Variants in LRP2 observed in about 807,000 individuals in gnomAD.
LRP2 encodes LDL receptor related protein 2.
A neutral mutation model predicts 531.0 loss-of-function variants in LRP2; 172 were observed. That is an observed-to-expected ratio of 0.32 (90% CI 0.29 to 0.37). LRP2 has a LOEUF of 0.37. Ranked by LOEUF, LRP2 falls within the 10% of genes least tolerant of loss-of-function variation. The pLI is 1.00. For missense variants in LRP2, 5,167 were observed against 5,868.3 expected (o/e 0.88, Z 3.90); for synonymous variants, 1,992 against 2,027.6 (o/e 0.98, Z 0.47).
chr2:169,162,012 T>C (rs1686605881), intron 63 of LRP2, among the ~76,000 whole-genome samples: 1 of 152,178 alleles, frequency 6.6e-6, no homozygotes, highest in Non-Finnish European at 1.5e-5. Flanking sequence ...TCATTTACAT[T>C]AGGTATTTCT....
rs377332381 is a variant in LRP2 at position 169,275,079 on chromosome 2, C to T, written c.1932G>A (p.Arg644=). ...NPQVYYQASL[R]PYGVTVYHSL... is the part of the protein sequence containing the mutation. ...AATGGTAAACAGTCACTCCATAGGG[C>T]CTCAGGGAAGCCTGGTAGTACACTT... is the stretch of plus-strand genomic sequence containing the variant. Residue 644 remains arginine (R), a synonymous_variant, in exon 14 of 79, where the codon AGG becomes AGA. Transcript: ENST00000649046. The T allele has an allele frequency of 3.2e-5, 52 of 1,613,656 alleles. No homozygotes were observed. The East Asian group carries it at 1.1e-3, about 33-fold the overall frequency.
In LRP2 at chr2:169,351,738, G is replaced by A. The variant is rs368596782; in HGVS notation, c.79+10583C>T. Among the ~76,000 whole-genome samples, 22 of 152,294 alleles carry A rather than the reference G, an allele frequency of 1.4e-4. No homozygotes were observed. In the South Asian group the frequency reaches 1.7e-3, roughly 11 times the overall value. On this transcript the variant is annotated intron_variant, in intron 1 of 78. Transcript: ENST00000649046. Reference sequence around the variant, plus strand: ...GAGATTGGCTTCATGAATGTCAAGCGAGGCTAGTCAGTATAGTTGTGTTTT... The same window carrying A: ...GAGATTGGCTTCATGAATGTCAAGCAAGGCTAGTCAGTATAGTTGTGTTTT...
In LRP2 at chr2:169,128,629, G is replaced by A. The variant is rs765428365; in HGVS notation, c.*34C>T. On this transcript the variant is annotated 3_prime_UTR_variant, in exon 79 of 79. Coordinates refer to ENST00000649046, the MANE Select transcript of LRP2 (RefSeq NM_004525.3). ...TTGTAAAAAATATATGTGCAAAAGT[G>A]TGTTTCTAATTATTCCCTAAATAGC... The A allele has an allele frequency of 3.1e-6, 5 of 1,589,684 alleles. No individual in the cohort carries two copies. The East Asian group carries it at 6.7e-5, about 21-fold the overall frequency.
At chr2:169,212,648 T>C (rs1341589246) in intron 36 of LRP2, among the ~76,000 whole-genome samples, 1 of 152,148 alleles carries the variant, frequency 6.6e-6, no homozygotes. Context: ...GAGACTATTA[T>C]TCAAAGTGAA....
At chr2:169,291,098 G>T in intron 7 of LRP2, 101 bp from the exon 8 acceptor site, 1 of 1,014,558 alleles carries the variant, frequency 9.9e-7, no homozygotes. Context: ...TTGAACAAGA[G>T]AAATCTATAA....
chr2:169,322,522 C>T (rs1270568142), intron 1 of LRP2, among the ~76,000 whole-genome samples: 1 of 152,166 alleles, frequency 6.6e-6, no homozygotes, highest in Non-Finnish European at 1.5e-5. Context: ...ACACAACAAC[C>T]TCCCTTGCAA....
chr2:169,247,767 A>C (rs774169431), intron 19 of LRP2, among the ~76,000 whole-genome samples: 2 of 152,226 alleles, frequency 1.3e-5, no homozygotes, highest in Non-Finnish European at 2.9e-5. Flanking sequence ...GATGGCATTT[A>C]GTAGCAATTG....
chr2:169,301,922 T>C (rs1684294840), intron 4 of LRP2, among the ~76,000 whole-genome samples: 2 of 152,118 alleles, frequency 1.3e-5, no homozygotes, highest in Non-Finnish European at 2.9e-5. Flanking sequence ...CTAATCCTTT[T>C]GAATATTAGA....
chr2:169,277,959 A>G lies in LRP2; in HGVS notation c.1566-8T>C, dbSNP rs780509735. On this transcript the variant is annotated splice_region_variant and splice_polypyrimidine_tract_variant and intron_variant, in intron 12 of 78. Coordinates refer to ENST00000649046, the MANE Select transcript of LRP2 (RefSeq NM_004525.3). ...TCTGAGAAAAATAAATAACTACAAA[A>G]GAAAAACAGAAGATGAAAGAATCTG... The G allele has an allele frequency of 6.2e-7, 1 of 1,607,310 alleles. No individual in the cohort carries two copies. Among genetic ancestry groups the G allele is most frequent in the Non-Finnish European group, 8.5e-7 (1 of 1,173,926 alleles).
rs746070288 is a variant in LRP2 at position 169,140,521 on chromosome 2, G to A, written c.13133C>T (p.Pro4378Leu). The stretch of plus-strand genomic sequence containing the variant: ...TCCGTGCATGCACCTGCATGGGGGG[G>A]GCAGGTTGATAGGCAGTTCGATGGC... ...DAAIELPINL[P>L]PPCRCMHGGN... The change falls in exon 72 of 79, where the codon CCC becomes CTC. Residue 4378 changes from proline (P) to leucine (L), a missense_variant. Around this residue, in one of 6 missense-constraint regions of LRP2, gnomAD observed 348 missense variants for 369.3 expected, o/e 0.94. Coordinates refer to ENST00000649046, the MANE Select transcript of LRP2 (RefSeq NM_004525.3). The A allele has an allele frequency of 1.2e-5, 19 of 1,613,840 alleles. No individual in the cohort carries two copies. Among genetic ancestry groups the A allele is most frequent in the Admixed American group, 3.3e-5 (2 of 60,006 alleles).
intron 71 of LRP2, 21 bp downstream of exon 71, chr2:169,142,653 C>T (rs1466592030): frequency 1.2e-6 from 2 of 1,613,150 alleles, no homozygotes. Context: ...GCCCCCATAG[C>T]TGCTTGGGCA....
At chr2:169,182,591 A>G in intron 50 of LRP2, 1 of 1,321,946 alleles carries the variant, frequency 7.6e-7, no homozygotes, top group Non-Finnish European at 9.7e-7. Flanking sequence ...GTCTGGTTTT[A>G]CTTTCCTCAT....
In LRP2 at chr2:169,207,933, T is replaced by C. The variant is rs1045809232; in HGVS notation, c.6470-683A>G. ...TCTGTTGTTGAACTATCAATGCTAC[T>C]ACCAAGACACACATATTTTGTTCCT... On this transcript the variant is annotated intron_variant, in intron 38 of 78. Coordinates refer to ENST00000649046, the MANE Select transcript of LRP2 (RefSeq NM_004525.3). 2.6e-5 allele frequency among the ~76,000 whole-genome samples: 4 copies of C among 152,380 alleles called. No homozygotes were observed. In the South Asian group the frequency reaches 6.2e-4, roughly 24 times the overall value.
At chr2:169,242,622 A>ATATCTT (rs969929930) in intron 24 of LRP2, among the ~76,000 whole-genome samples, 17 of 152,342 alleles carry the variant, frequency 1.1e-4, no homozygotes, top group Admixed American at 9.1e-4. Context: ...AACCAGTAAA[A>ATATCTT]TATCTTTATA....
At chr2:169,136,098 C>T (rs1404689847) in intron 76 of LRP2, among the ~76,000 whole-genome samples, 1 of 152,114 alleles carries the variant, frequency 6.6e-6, no homozygotes, top group African/African-American at 2.4e-5. Flanking sequence ...TTCTCCTTCT[C>T]TTATTCCATT....
At position 169,203,974 on chromosome 2, in the gene LRP2, T is replaced by C. The variant is rs749059344; in HGVS notation, c.8005+8A>G. 4.3e-6 allele frequency: 7 copies of C among 1,613,824 alleles called. No individual in the cohort carries two copies. Among genetic ancestry groups the C allele is most frequent in the African/African-American group, 4.0e-5 (3 of 74,924 alleles). On this transcript the variant is annotated splice_region_variant and intron_variant, in intron 42 of 78. Coordinates refer to ENST00000649046, the MANE Select transcript of LRP2 (RefSeq NM_004525.3). ...TCCATGTTCTAATTTTCATGGTCAG[T>C]GCCTTACCTGGTGCACAGATATGGC... is the stretch of plus-strand genomic sequence containing the variant.
chr2:169,129,379 A>G (rs896728515), intron 77 of LRP2, among the ~76,000 whole-genome samples: 3 of 152,250 alleles, frequency 2.0e-5, no homozygotes, highest in African/African-American at 7.2e-5. Context: ...TGGTTACCTC[A>G]GTACAGAGAG....
intron 30 of LRP2, among the ~76,000 whole-genome samples, chr2:169,232,679 G>A (rs1004565761): frequency 5.3e-5 from 8 of 152,122 alleles, no homozygotes; most frequent in Non-Finnish European, 1.2e-4. Context: ...AATAGCACGC[G>A]AAGCAACTCA....
chr2:169,202,869 C>A lies in LRP2; in HGVS notation c.8096G>T (p.Arg2699Leu), dbSNP rs867912144. 8.1e-6 allele frequency: 13 copies of A among 1,614,202 alleles called. No individual in the cohort carries two copies. The highest frequency in any genetic ancestry group is 1.0e-5 in the Non-Finnish European group (12 of 1,180,018). Reference sequence around the variant, plus strand: ...GCAGGTGAAGGAAGATGCACCACATCGTTCACCATTGTCCACAATGCAGTG... The same window carrying A: ...GCAGGTGAAGGAAGATGCACCACATAGTTCACCATTGTCCACAATGCAGTG... Reference protein sequence around the residue: ...RKHCIVDNGERCGASSFTCSN... With the variant: ...RKHCIVDNGELCGASSFTCSN... Residue 2699 changes from arginine (R) to leucine (L), a missense_variant, in exon 43 of 79, where the codon CGA becomes CTA. Arg to Leu is a moderately radical substitution (Grantham distance 102). This residue lies in a region of LRP2 where 1,129 missense variants were observed against 1,362.7 expected (regional missense o/e 0.83). Transcript: ENST00000649046.
Sources: allele counts gnomAD v4.1 joint callset (sites outside exome capture counted in the v4.1 genomes callset), GRCh38; gene constraint gnomAD v4.1.1; regional missense constraint gnomAD v4.1.1; transcripts MANE v1.5; gene names NCBI Gene and HGNC (gene_info 2026-07-23, HGNC 2026-07-21).